Variants in MIPOL1 observed in about 807,000 individuals in gnomAD.
MIPOL1 encodes mirror-image polydactyly 1.
In MIPOL1, 57 loss-of-function variants were observed where a neutral mutation model predicts 60.9. The observed-to-expected ratio is 0.94, with a 90% confidence interval of 0.76 to 1.17. The LOEUF (loss-of-function observed/expected upper bound fraction) is 1.17, where lower values mean the gene tolerates loss of function less well. Ranked by LOEUF, MIPOL1 falls within the 50% of genes most tolerant of loss-of-function variation. The pLI, the probability that MIPOL1 is intolerant of heterozygous loss-of-function variation, is 0.00. For missense variants in MIPOL1, 551 were observed against 511.6 expected (o/e 1.08, Z -0.74); for synonymous variants, 179 against 168.8 (o/e 1.06, Z -0.47).
intron 10 of MIPOL1, among the ~76,000 whole-genome samples, chr14:37,413,522 T>C (rs1240724205): frequency 6.6e-6 from 1 of 152,242 alleles, no homozygotes; most frequent in Non-Finnish European, 1.5e-5. Flanking sequence ...ACATTGGGTT[T>C]ACCCAGATAA....
rs185269427 is a variant in MIPOL1 at position 37,284,990 on chromosome 14, T to A, written c.494-328T>A. Among the ~76,000 whole-genome samples, 11 of 152,318 alleles carry A rather than the reference T, an allele frequency of 7.2e-5. No individual in the cohort carries two copies. The East Asian group carries it at 2.1e-3, about 29-fold the overall frequency. On this transcript the variant is annotated intron_variant, in intron 6 of 12. Transcript: ENST00000684589. The stretch of plus-strand genomic sequence containing the variant: ...GGCCTGTCTTCAACTTCAATAAACA[T>A]TGCCAAATTGCTCTTCAGATGGTTG...
At chr14:37,427,456 T>C (rs890847342) in intron 11 of MIPOL1, among the ~76,000 whole-genome samples, 1 of 152,056 alleles carries the variant, frequency 6.6e-6, no homozygotes, top group South Asian at 2.1e-4. Context: ...ATGATTTACA[T>C]AGAGTGGGAT....
At chr14:37,466,994 G>T (rs190800717) in intron 11 of MIPOL1, among the ~76,000 whole-genome samples, 4 of 152,258 alleles carry the variant, frequency 2.6e-5, no homozygotes, top group African/African-American at 4.8e-5. Context: ...ATATTTCCTG[G>T]TGATCAAAAC....
At chr14:37,208,713 C>A (rs909397369) in intron 1 of MIPOL1, among the ~76,000 whole-genome samples, 4 of 152,196 alleles carry the variant, frequency 2.6e-5, no homozygotes, top group Admixed American at 2.6e-4. Context: ...CCTGCCTCAG[C>A]CTCCTGCGTA....
intron 6 of MIPOL1, among the ~76,000 whole-genome samples, chr14:37,275,832 A>G (rs1047572268): frequency 3.3e-5 from 5 of 151,228 alleles, no homozygotes; most frequent in Non-Finnish European, 7.4e-5. Flanking sequence ...CATCCATTAA[A>G]GATTAGCTGT....
chr14:37,217,866 C>A (rs1334227172), intron 1 of MIPOL1, among the ~76,000 whole-genome samples: 1 of 152,200 alleles, frequency 6.6e-6, no homozygotes, highest in Non-Finnish European at 1.5e-5. Flanking sequence ...TGTTATTCAA[C>A]ATAGTACTGT....
intron 11 of MIPOL1, among the ~76,000 whole-genome samples, chr14:37,464,547 A>G (rs2094576255): frequency 6.6e-6 from 1 of 152,174 alleles, no homozygotes; most frequent in East Asian, 1.9e-4. Flanking sequence ...ACACGTGGAA[A>G]TACAGAGGAG....
downstream of MIPOL1, chr14:37,552,071 T>G (rs2095562685): frequency 6.6e-6 from 1 of 152,064 alleles, no homozygotes; most frequent in Admixed American, 6.6e-5. Flanking sequence ...TGTGTAGCAC[T>G]CTATCACCTG....
intron 11 of MIPOL1, among the ~76,000 whole-genome samples, chr14:37,442,179 T>G (rs1480391895): frequency 6.6e-6 from 1 of 151,900 alleles, no homozygotes; most frequent in Non-Finnish European, 1.5e-5. Flanking sequence ...AGCTGAATGT[T>G]ATTGTTGTAC....
chr14:37,464,949 CAACTTATTTCAGTG>C (rs1359914900), intron 11 of MIPOL1, among the ~76,000 whole-genome samples: 1 of 152,044 alleles, frequency 6.6e-6, no homozygotes, highest in East Asian at 1.9e-4. Flanking sequence ...ATCATATTTT[CAACTTATTTCAGTG>C]AAGTTTTGTT....
intron 7 of MIPOL1, among the ~76,000 whole-genome samples, chr14:37,287,281 A>G (rs1308862423): frequency 2.0e-5 from 3 of 151,946 alleles, no homozygotes; most frequent in Admixed American, 6.6e-5. Flanking sequence ...GAGTCTTGCT[A>G]TATCACACAG....
chr14:37,208,352 G>C (rs1966434999), intron 1 of MIPOL1, among the ~76,000 whole-genome samples: 1 of 152,076 alleles, frequency 6.6e-6, no homozygotes, highest in African/African-American at 2.4e-5. Context: ...TAGCTTCATA[G>C]TTTTGAGGAT....
At chr14:37,259,820 A>G (rs1365874089) in intron 3 of MIPOL1, among the ~76,000 whole-genome samples, 1 of 152,166 alleles carries the variant, frequency 6.6e-6, no homozygotes, top group African/African-American at 2.4e-5. Flanking sequence ...TAAAAATTGT[A>G]TAAGCAATTT....
intron 12 of MIPOL1, among the ~76,000 whole-genome samples, chr14:37,500,877 A>G (rs866541714): frequency 2.0e-5 from 3 of 152,220 alleles, no homozygotes; most frequent in Middle Eastern, 3.2e-3. Flanking sequence ...TTCTTTATGT[A>G]TTGTTAACAG....
At chr14:37,216,694 A>G (rs1967775178) in intron 1 of MIPOL1, among the ~76,000 whole-genome samples, 1 of 152,230 alleles carries the variant, frequency 6.6e-6, no homozygotes, top group Non-Finnish European at 1.5e-5. Context: ...CAGCTGGTCA[A>G]TGAAGAAATG....
Position 37,520,392 on chromosome 14 carries a change from C to T in MIPOL1, c.1262+20254C>T, listed in dbSNP as rs138575866. 7.0e-3 allele frequency among the ~76,000 whole-genome samples: 1,066 copies of T among 152,178 alleles called. 18 individuals carry two copies. Among genetic ancestry groups the T allele is most frequent in the African/African-American group, 0.023 (935 of 41,538 alleles). ...CCTACATTTTAAAGTTTAGTATCTG[C>T]CTAAAGCCCTATGAAAACAACAGTG... On this transcript the variant is annotated intron_variant, in intron 12 of 12. Coordinates refer to ENST00000684589, the MANE Select transcript of MIPOL1 (RefSeq NM_001388067.1).
At chr14:37,277,525 T>C (rs1485966575) in intron 6 of MIPOL1, 2 of 151,318 alleles carry the variant, frequency 1.3e-5, no homozygotes, top group African/African-American at 4.8e-5. Context: ...TAATATAGTC[T>C]TTGAGTTTTC....
At chr14:37,326,037 G>T (rs1955937) in intron 9 of MIPOL1, among the ~76,000 whole-genome samples, 147,794 of 152,296 alleles carry the variant, frequency 0.97, 71,775 homozygotes, top group East Asian at 1. Flanking sequence ...AGTGGATCAC[G>T]AGGGGTAAAA....
At chr14:37,355,808 C>T (rs2091772155) in intron 9 of MIPOL1, among the ~76,000 whole-genome samples, 1 of 150,664 alleles carries the variant, frequency 6.6e-6, no homozygotes, top group Non-Finnish European at 1.5e-5. Context: ...ATACATTCTT[C>T]TAAATTTTTT....
Sources: gnomAD v4.1 joint callset for allele counts (sites outside exome capture counted in the v4.1 genomes callset) on GRCh38, gnomAD v4.1.1 for gene constraint, MANE v1.5 for transcripts, NCBI Gene and HGNC (gene_info 2026-07-23, HGNC 2026-07-21) for gene names.